Variants in CDH20 observed in about 807,000 individuals in gnomAD.
The protein encoded by CDH20 is cadherin-20.
A neutral mutation model predicts 74.2 loss-of-function variants in CDH20; 29 were observed. The ratio of observed to expected loss-of-function variants is 0.39; its 90% CI spans 0.29 to 0.53. The LOEUF is 0.53. CDH20 is among the 20% of genes least tolerant of loss of function. The probability of loss-of-function intolerance (pLI) is 0.69; values close to 1 mark genes in which losing one functional copy is unlikely to be tolerated. For synonymous variants in CDH20, 469 were observed against 405.4 expected (o/e 1.16, Z -1.88); for missense variants, 988 against 1,048.3 (o/e 0.94, Z 0.79).
intron 1 of CDH20, among the ~76,000 whole-genome samples, chr18:61,373,942 T>C (rs1911125049): frequency 3.3e-5 from 5 of 152,156 alleles, no homozygotes; most frequent in Non-Finnish European, 5.9e-5. Context: ...CCCAAGTCTT[T>C]CAATACAGTT....
At chr18:61,340,226 C>CTTTT (rs59628153) in intron 1 of CDH20, among the ~76,000 whole-genome samples, 1 of 119,738 alleles carries the variant, frequency 8.4e-6, no homozygotes, top group South Asian at 2.7e-4. Flanking sequence ...CTTCAGCCTT[C>CTTTT]TTTTTTTTTT....
chr18:61,504,213 G>T (rs944276463), intron 5 of CDH20, among the ~76,000 whole-genome samples: 1 of 152,208 alleles, frequency 6.6e-6, no homozygotes, highest in Non-Finnish European at 1.5e-5. Flanking sequence ...GGAGGGGTTG[G>T]CAAGGGCAGA....
chr18:61,526,069 C>CTACATTGT (rs1352187416), intron 6 of CDH20, among the ~76,000 whole-genome samples: 3 of 146,810 alleles, frequency 2.0e-5, no homozygotes, highest in Non-Finnish European at 4.5e-5. Flanking sequence ...CCTCAGCTTC[C>CTACATTGT]TACATTGTCA....
Position 61,409,517 on chromosome 18 carries a change from C to A in CDH20, c.-153+75690C>A, listed in dbSNP as rs112604234. 2.6e-5 allele frequency among the ~76,000 whole-genome samples: 4 copies of A among 152,252 alleles called. No homozygotes were observed. In the East Asian group the frequency reaches 7.7e-4, roughly 29 times the overall value. On this transcript the variant is annotated intron_variant, in intron 1 of 11. Coordinates refer to ENST00000262717, the MANE Select transcript of CDH20 (RefSeq NM_031891.4). ...GCCCAGCCACTTGCCAGCTCTGTGA[C>A]CTTAGGCAAGTTGTGTATGTCCTTG...
chr18:61,338,421 C>T (rs556100082), intron 1 of CDH20, among the ~76,000 whole-genome samples: 46 of 152,150 alleles, frequency 3.0e-4, no homozygotes, highest in African/African-American at 1.0e-3. Flanking sequence ...TATGGATTAA[C>T]TTAATTTTAG....
intron 1 of CDH20, among the ~76,000 whole-genome samples, chr18:61,445,537 A>C (rs976713011): frequency 1.3e-5 from 2 of 152,220 alleles, no homozygotes; most frequent in African/African-American, 2.4e-5. Context: ...TCTCATTTTA[A>C]AGATAGGAAA....
At chr18:61,457,226 T>C (rs1909601065) in intron 1 of CDH20, among the ~76,000 whole-genome samples, 1 of 152,094 alleles carries the variant, frequency 6.6e-6, no homozygotes, top group Non-Finnish European at 1.5e-5. Flanking sequence ...TAATTATAGT[T>C]TAATAAAATG....
At chr18:61,542,852 CT>C (rs1382841693) in intron 9 of CDH20, among the ~76,000 whole-genome samples, 6 of 152,086 alleles carry the variant, frequency 3.9e-5, no homozygotes, top group African/African-American at 1.2e-4. Flanking sequence ...GTGCCAGGCT[CT>C]TTTTAACAAT....
chr18:61,419,110 T>C (rs1912793643), intron 1 of CDH20, among the ~76,000 whole-genome samples: 1 of 152,106 alleles, frequency 6.6e-6, no homozygotes, highest in South Asian at 2.1e-4. Flanking sequence ...GTCACCCAGA[T>C]TGGAGTACAG....
chr18:61,367,398 T>C (rs1599039503), intron 1 of CDH20, among the ~76,000 whole-genome samples: 1 of 152,178 alleles, frequency 6.6e-6, no homozygotes, highest in African/African-American at 2.4e-5. Flanking sequence ...TGTAACAAAT[T>C]ATTATTTCGT....
At chr18:61,402,019 G>C (rs1466365994) in intron 1 of CDH20, among the ~76,000 whole-genome samples, 1 of 152,190 alleles carries the variant, frequency 6.6e-6, no homozygotes, top group Non-Finnish European at 1.5e-5. Flanking sequence ...CCAAAGGTTG[G>C]TTTGTCTAAG....
At chr18:61,538,521 C>G (rs1912885397) in intron 8 of CDH20, among the ~76,000 whole-genome samples, 1 of 151,734 alleles carries the variant, frequency 6.6e-6, no homozygotes, top group Non-Finnish European at 1.5e-5. Context: ...CTCTTGCTAC[C>G]ATCTCCATGT....
At chr18:61,422,923 T>C (rs567717232) in intron 1 of CDH20, among the ~76,000 whole-genome samples, 179 of 152,292 alleles carry the variant, frequency 1.2e-3, no homozygotes, top group Non-Finnish European at 3.7e-4. Context: ...ATTTTGCTTT[T>C]GACTATGTTT....
chr18:61,386,472 T>C (rs1172590132), intron 1 of CDH20, among the ~76,000 whole-genome samples: 1 of 152,180 alleles, frequency 6.6e-6, no homozygotes, highest in African/African-American at 2.4e-5. Flanking sequence ...CTATGAGAAA[T>C]AAATTTCTGT....
chr18:61,546,321 C>T (rs1439068897), intron 10 of CDH20, among the ~76,000 whole-genome samples: 1 of 152,220 alleles, frequency 6.6e-6, no homozygotes, highest in African/African-American at 2.4e-5. Context: ...TGCTGTAAAA[C>T]TTGAGATTCT....
chr18:61,486,826 A>G (rs1390556486), intron 1 of CDH20, among the ~76,000 whole-genome samples: 1 of 152,182 alleles, frequency 6.6e-6, no homozygotes, highest in Non-Finnish European at 1.5e-5. Flanking sequence ...TAGAGATGTC[A>G]TTTGAGCTTT....
chr18:61,436,037 G>A (rs527373109), intron 1 of CDH20, among the ~76,000 whole-genome samples: 1 of 152,114 alleles, frequency 6.6e-6, no homozygotes, highest in Admixed American at 6.6e-5. Context: ...TATAGTATGT[G>A]GTCACTGTAA....
rs908986679 is a variant in CDH20 at position 61,446,230 on chromosome 18, A to C, written c.-152-44172A>C. On this transcript the variant is annotated intron_variant, in intron 1 of 11. Coordinates refer to ENST00000262717, the MANE Select transcript of CDH20 (RefSeq NM_031891.4). ...ACAGACACGTTGTAAAACTACATAC[A>C]CACAGTTTCACACTTTCTCACCCAC... Among the ~76,000 whole-genome samples, 10 of 152,316 alleles carry C rather than the reference A, an allele frequency of 6.6e-5. No homozygotes were observed. The South Asian group carries it at 1.9e-3, about 28-fold the overall frequency.
At chr18:61,468,869 C>A (rs535919177) in intron 1 of CDH20, among the ~76,000 whole-genome samples, 342 of 152,266 alleles carry the variant, frequency 2.2e-3, no homozygotes, top group Non-Finnish European at 3.2e-3. Context: ...AAAAGACTGG[C>A]AAAGGTGTTC....
Sources: gnomAD v4.1 joint callset for allele counts (sites outside exome capture counted in the v4.1 genomes callset) on GRCh38, gnomAD v4.1.1 for gene constraint, MANE v1.5 for transcripts, NCBI Gene and HGNC (gene_info 2026-07-23, HGNC 2026-07-21) for gene names.